The following ERBB4 variants were observed in gnomAD, a reference collection of about 807,000 sequenced individuals.
ERBB4 encodes the protein receptor tyrosine-protein kinase erbB-4.
ERBB4 carries 42 observed loss-of-function variants against 158.0 expected under a neutral mutation model. The observed-to-expected ratio is 0.27, with a 90% CI of 0.21 to 0.34. The LOEUF (loss-of-function observed/expected upper bound fraction) is 0.34, where lower values mean the gene tolerates loss of function less well. ERBB4 is among the 10% of genes least tolerant of loss of function. ERBB4 has a pLI of 1.00. For missense variants in ERBB4, 1,333 were observed against 1,624.1 expected, an observed-to-expected ratio of 0.82 and a Z score of 3.08; for synonymous variants, 583 against 558.7, an observed-to-expected ratio of 1.04 and a Z score of -0.61.
At chr2:212,438,074 T>C (rs1056484289) in intron 1 of ERBB4, among the ~76,000 whole-genome samples, 8 of 152,170 alleles carry the variant, frequency 5.3e-5, no homozygotes, top group African/African-American at 1.9e-4. Flanking sequence ...AGGCTAGCCC[T>C]ATGGTGGCTG....
At chr2:211,752,528 T>C (rs1448801564) in intron 4 of ERBB4, among the ~76,000 whole-genome samples, 1 of 124,746 alleles carries the variant, frequency 8.0e-6, no homozygotes, top group African/African-American at 2.9e-5. Context: ...TAAAAGCAAA[T>C]AGAAGAGAAG....
At chr2:211,595,525 TTAA>T (rs2068603943) in intron 19 of ERBB4, among the ~76,000 whole-genome samples, 1 of 151,942 alleles carries the variant, frequency 6.6e-6, no homozygotes. Context: ...ATATAAAGCA[TTAA>T]TAATAAGAAA....
intron 3 of ERBB4, among the ~76,000 whole-genome samples, chr2:211,868,388 T>A (rs1354811061): frequency 6.6e-6 from 1 of 152,228 alleles, no homozygotes; most frequent in Non-Finnish European, 1.5e-5. Context: ...CTTGTTCCCA[T>A]AAGTTGCTAT....
chr2:211,998,942 A>G (rs1056986074), intron 2 of ERBB4, among the ~76,000 whole-genome samples: 2 of 152,056 alleles, frequency 1.3e-5, no homozygotes, highest in African/African-American at 4.8e-5. Flanking sequence ...AATAACAACA[A>G]TGCTAGTATC....
intron 1 of ERBB4, among the ~76,000 whole-genome samples, chr2:212,481,576 C>T (rs138069295): frequency 4.8e-4 from 73 of 152,262 alleles, no homozygotes; most frequent in African/African-American, 1.8e-3. Flanking sequence ...GGGAAATGTA[C>T]CCCTTGAGCT....
At chr2:211,769,644 C>T (rs2075641747) in intron 4 of ERBB4, among the ~76,000 whole-genome samples, 1 of 152,162 alleles carries the variant, frequency 6.6e-6, no homozygotes, top group African/African-American at 2.4e-5. Context: ...AGCCAACTGT[C>T]CAGCCTTCAG....
intron 1 of ERBB4, among the ~76,000 whole-genome samples, chr2:212,274,109 G>A (rs958962579): frequency 6.6e-6 from 1 of 151,760 alleles, no homozygotes; most frequent in Admixed American, 6.6e-5. Flanking sequence ...AATCACGAGA[G>A]GAAAATAGAT....
chr2:212,376,454 G>A (rs1162325544), intron 1 of ERBB4, among the ~76,000 whole-genome samples: 1 of 151,996 alleles, frequency 6.6e-6, no homozygotes, highest in African/African-American at 2.4e-5. Context: ...GTCTTGAGAA[G>A]GTTAGCCAAA....
chr2:212,141,043 G>A (rs1363198084), intron 1 of ERBB4, among the ~76,000 whole-genome samples: 1 of 151,476 alleles, frequency 6.6e-6, no homozygotes, highest in Non-Finnish European at 1.5e-5. Context: ...TATTACTAAT[G>A]TCTATATATA....
chr2:211,606,594 G>C (rs2068986084), intron 19 of ERBB4, among the ~76,000 whole-genome samples: 1 of 151,992 alleles, frequency 6.6e-6, no homozygotes, highest in South Asian at 2.1e-4. Flanking sequence ...CACTATATGT[G>C]AGATAATTGT....
chr2:211,785,502 GTCATAAAGC>G (rs1455988559), intron 4 of ERBB4, among the ~76,000 whole-genome samples: 13 of 152,106 alleles, frequency 8.5e-5, no homozygotes, highest in African/African-American at 3.1e-4. Flanking sequence ...TCAACCTAGG[GTCATAAAGC>G]TTTCCCCCTA....
At chr2:212,097,468 C>T (rs745346881) in intron 2 of ERBB4, among the ~76,000 whole-genome samples, 41 of 152,114 alleles carry the variant, frequency 2.7e-4, no homozygotes, top group Admixed American at 9.8e-4. Context: ...TTGGTGAAAG[C>T]AGGTGACTAA....
At position 211,858,907 on chromosome 2, in the gene ERBB4, G is replaced by A. The variant is rs529437897; in HGVS notation, c.422-70748C>T. 6.6e-5 allele frequency among the ~76,000 whole-genome samples: 10 copies of A among 152,074 alleles called. No individual in the cohort carries two copies. The South Asian group carries it at 1.5e-3, about 22-fold the overall frequency. On this transcript the variant is annotated intron_variant, in intron 3 of 27. Transcript: ENST00000342788. ...AGCGATTCTCCTGCCTTAGCCTCCC[G>A]AGTAGCTGGGATTACAGGCATGCAC...
At chr2:211,554,619 G>A (rs1026997814) in intron 20 of ERBB4, among the ~76,000 whole-genome samples, 11 of 152,192 alleles carry the variant, frequency 7.2e-5, no homozygotes, top group Non-Finnish European at 1.6e-4. Flanking sequence ...CAGTTCATAT[G>A]CTTGCTTGTG....
At chr2:211,793,949 T>C (rs924063533) in intron 3 of ERBB4, among the ~76,000 whole-genome samples, 6 of 151,842 alleles carry the variant, frequency 4.0e-5, no homozygotes, top group African/African-American at 9.7e-5. Context: ...CACGTTTGTA[T>C]TGGGAGCGGG....
chr2:212,134,560 T>C (rs1334753365), intron 1 of ERBB4, among the ~76,000 whole-genome samples: 1 of 152,020 alleles, frequency 6.6e-6, no homozygotes, highest in African/African-American at 2.4e-5. Context: ...GTGTAAAAAT[T>C]GGTATCCTTT....
chr2:211,706,745 C>T (rs1360665986), intron 9 of ERBB4, among the ~76,000 whole-genome samples: 1 of 151,920 alleles, frequency 6.6e-6, no homozygotes, highest in Admixed American at 6.6e-5. Flanking sequence ...GTTGGAGAAA[C>T]ACTATAAATG....
At chr2:211,433,380 GAC>G (rs1271896266) in intron 20 of ERBB4, among the ~76,000 whole-genome samples, 6 of 152,030 alleles carry the variant, frequency 3.9e-5, no homozygotes, top group Admixed American at 3.9e-4. Flanking sequence ...AGGAGATCGA[GAC>G]CATCCTGGCT....
chr2:212,317,326 C>T lies in ERBB4; in HGVS notation c.83-192423G>A, dbSNP rs571908664. On this transcript the variant is annotated intron_variant, in intron 1 of 27. Transcript: ENST00000342788. ...TAAAAACTTTTACCCCAAGATATTA[C>T]ATCGATTAAAGAATCATATTATATC... is the stretch of plus-strand genomic sequence containing the variant. Among the ~76,000 whole-genome samples, 55 of 151,634 alleles carry T rather than the reference C, an allele frequency of 3.6e-4. No individual in the cohort carries two copies. The South Asian group carries it at 7.0e-3, about 19-fold the overall frequency.
Sources: gnomAD v4.1 joint callset for allele counts (sites outside exome capture counted in the v4.1 genomes callset) on GRCh38, gnomAD v4.1.1 for gene constraint, MANE v1.5 for transcripts, NCBI Gene and HGNC (gene_info 2026-07-23, HGNC 2026-07-21) for gene names.